Variants in KCNH8 observed in about 807,000 individuals in gnomAD.
KCNH8 encodes the protein voltage-gated delayed rectifier potassium channel KCNH8.
In KCNH8, 70 loss-of-function variants were observed where a neutral mutation model predicts 103.6. The ratio of observed to expected loss-of-function variants is 0.68; its 90% CI spans 0.56 to 0.82. KCNH8 has a LOEUF of 0.82. Ranked by LOEUF, KCNH8 falls within the 40% of genes least tolerant of loss-of-function variation. KCNH8 has a pLI of 0.00. For synonymous variants in KCNH8, 498 were observed against 489.4 expected, an observed-to-expected ratio of 1.02 and a Z score of -0.23; for missense variants, 1,217 against 1,329.9, an observed-to-expected ratio of 0.92 and a Z score of 1.32.
intron 2 of KCNH8, among the ~76,000 whole-genome samples, chr3:19,263,475 T>A (rs974029107): frequency 1.3e-5 from 2 of 152,080 alleles, no homozygotes; most frequent in African/African-American, 4.8e-5. Context: ...AGTGGGGAAA[T>A]GCACCTGTTT....
intron 7 of KCNH8, among the ~76,000 whole-genome samples, chr3:19,411,905 T>C (rs536689154): frequency 3.9e-5 from 6 of 152,096 alleles, no homozygotes; most frequent in African/African-American, 1.4e-4. Flanking sequence ...AGACATTCTA[T>C]GCTCATGGAT....
intron 3 of KCNH8, among the ~76,000 whole-genome samples, chr3:19,340,731 C>T (rs1405886600): frequency 2.0e-5 from 3 of 152,020 alleles, no homozygotes; most frequent in Non-Finnish European, 1.5e-5. Flanking sequence ...TTTTGTGTGA[C>T]AACAGTTTGG....
intron 2 of KCNH8, among the ~76,000 whole-genome samples, chr3:19,280,606 G>A (rs550483912): frequency 5.9e-5 from 9 of 151,884 alleles, no homozygotes; most frequent in Non-Finnish European, 8.8e-5. Context: ...ACTCATTCAC[G>A]CTGATGTATA....
At chr3:19,308,728 CCCTCTCTCCCTCTCT>C (rs2065168589) in intron 3 of KCNH8, among the ~76,000 whole-genome samples, 6 of 41,576 alleles carry the variant, frequency 1.4e-4, no homozygotes, top group African/African-American at 3.5e-4. Flanking sequence ...CCCCCTCTCT[CCCTCTCTCCCTCTCT>C]CCCTCTCTCC....
chr3:19,264,223 TCA>T (rs2064476021), intron 2 of KCNH8, among the ~76,000 whole-genome samples: 2 of 152,082 alleles, frequency 1.3e-5, no homozygotes, highest in Non-Finnish European at 2.9e-5. Flanking sequence ...AACTTCAAAG[TCA>T]TGGTAGCAGA....
At chr3:19,411,860 T>A (rs1423513761) in intron 7 of KCNH8, among the ~76,000 whole-genome samples, 2 of 151,506 alleles carry the variant, frequency 1.3e-5, no homozygotes, top group African/African-American at 4.9e-5. Flanking sequence ...CAAAACACTA[T>A]GAAATGAAAC....
rs2068906245 is a variant in KCNH8, at chr3:19,518,080, G to T, written c.2619+6G>T. 6.2e-7 allele frequency: 1 copy of T among 1,608,838 alleles called. No individual in the cohort carries two copies. The highest frequency in any genetic ancestry group is 8.5e-7 in the Non-Finnish European group (1 of 1,176,004). On this transcript the variant is annotated splice_donor_region_variant and intron_variant, in intron 15 of 15. Coordinates refer to ENST00000328405, the MANE Select transcript of KCNH8 (RefSeq NM_144633.3). Reference sequence around the variant, plus strand: ...TAAACAAACTCAACAGTGAGGTATGGAGCTCTTTCTTTGGTCATGCCTAAA... The same window carrying T: ...TAAACAAACTCAACAGTGAGGTATGTAGCTCTTTCTTTGGTCATGCCTAAA...
At chr3:19,314,395 C>T (rs2125299211) in intron 3 of KCNH8, among the ~76,000 whole-genome samples, 1 of 151,908 alleles carries the variant, frequency 6.6e-6, no homozygotes, top group East Asian at 2.0e-4. Flanking sequence ...CATAGACAGA[C>T]ACTGATTCTA....
At chr3:19,334,675 T>A (rs1425689957) in intron 3 of KCNH8, among the ~76,000 whole-genome samples, 1 of 151,026 alleles carries the variant, frequency 6.6e-6, no homozygotes, top group African/African-American at 2.4e-5. Context: ...GTGTTAATTA[T>A]GTTTAAGATT....
chr3:19,196,460 GAA>G (rs56047240), intron 1 of KCNH8, among the ~76,000 whole-genome samples: 2 of 143,802 alleles, frequency 1.4e-5, no homozygotes, highest in Non-Finnish European at 3.1e-5. Context: ...AGACTGAAAT[GAA>G]AAAAAAAAAG....
At chr3:19,500,694 G>A (rs1575147192) in intron 11 of KCNH8, among the ~76,000 whole-genome samples, 5 of 151,724 alleles carry the variant, frequency 3.3e-5, no homozygotes, top group South Asian at 4.2e-4. Context: ...GGTACATAAC[G>A]AAATGAAGAC....
chr3:19,390,924 G>T (rs2125131067), intron 6 of KCNH8, among the ~76,000 whole-genome samples: 1 of 152,154 alleles, frequency 6.6e-6, no homozygotes, highest in South Asian at 2.1e-4. Context: ...CTTTAATAAG[G>T]AAATCATCTG....
intron 11 of KCNH8, among the ~76,000 whole-genome samples, chr3:19,466,765 G>A (rs964023285): frequency 2.2e-5 from 3 of 137,998 alleles, no homozygotes; most frequent in Non-Finnish European, 4.5e-5. Flanking sequence ...TGGTTCAAGC[G>A]ATTCTCCTGC....
chr3:19,202,664 A>G (rs1205374109), intron 1 of KCNH8, among the ~76,000 whole-genome samples: 6 of 152,148 alleles, frequency 3.9e-5, no homozygotes, highest in East Asian at 1.9e-4. Context: ...GTCCTGTTCT[A>G]TAGAGAGTAG....
At chr3:19,278,769 T>G (rs1292548025) in intron 2 of KCNH8, among the ~76,000 whole-genome samples, 1 of 152,190 alleles carries the variant, frequency 6.6e-6, no homozygotes. Context: ...TCACTGTAAC[T>G]TAAAAGACAA....
intron 3 of KCNH8, among the ~76,000 whole-genome samples, chr3:19,323,783 A>C (rs1049758317): frequency 9.2e-5 from 14 of 152,108 alleles, no homozygotes; most frequent in African/African-American, 3.4e-4. Flanking sequence ...TTCCGGATCT[A>C]GCCACCCAGT....
intron 3 of KCNH8, among the ~76,000 whole-genome samples, chr3:19,329,736 C>A (rs2065478955): frequency 1.3e-5 from 2 of 152,132 alleles, no homozygotes; most frequent in Admixed American, 6.5e-5. Context: ...CTAAGCATTT[C>A]AATTCCAGGA....
At chr3:19,513,383 T>G in intron 13 of KCNH8, 58 bp downstream of exon 13, 1 of 1,520,228 alleles carries the variant, frequency 6.6e-7, no homozygotes. Flanking sequence ...TTATACAGAG[T>G]AGTACCTGCC....
At chr3:19,392,240 TGC>T (rs1357092612) in intron 6 of KCNH8, among the ~76,000 whole-genome samples, 1 of 149,928 alleles carries the variant, frequency 6.7e-6, no homozygotes, top group Non-Finnish European at 1.5e-5. Flanking sequence ...ACTACACTCC[TGC>T]TCTCTTTTCG....
Sources: allele counts gnomAD v4.1 joint callset (sites outside exome capture counted in the v4.1 genomes callset), GRCh38; gene constraint gnomAD v4.1.1; transcripts MANE v1.5; gene names NCBI Gene and HGNC (gene_info 2026-07-23, HGNC 2026-07-21).